SYTL5: variants seen among roughly 807,000 people sequenced by gnomAD.
SYTL5 encodes the protein synaptotagmin like 5, also known as synaptotagmin-like protein 5.
SYTL5 carries 34 observed loss-of-function variants against 55.9 expected under a neutral mutation model. The observed-to-expected ratio is 0.61, with a 90% CI of 0.46 to 0.81. SYTL5 has a LOEUF of 0.81. Among genes scored for constraint, SYTL5 ranks in the 30% least tolerant of loss-of-function variants. The pLI is 0.00. For synonymous variants in SYTL5, 221 were observed against 188.7 expected (o/e 1.17, Z -1.40); for missense variants, 637 against 546.7 (o/e 1.17, Z -1.65).
the SYTL5 span, among the ~76,000 whole-genome samples, chrX:37,938,624 T>C: frequency 9.0e-6 from 1 of 111,289 alleles, no homozygotes; most frequent in Non-Finnish European, 1.9e-5. Context: ...TCTGTCTCTC[T>C]TTCTCTCTCT....
the SYTL5 span, among the ~76,000 whole-genome samples, chrX:37,921,916 G>A: frequency 2.7e-5 from 3 of 111,871 alleles, no homozygotes; most frequent in South Asian, 7.4e-4. Context: ...GAGTTGGACG[G>A]AAAAGGAGTG....
chrX:38,067,557 T>C (rs1226722830), intron 3 of SYTL5, among the ~76,000 whole-genome samples: 1 of 111,852 alleles, frequency 8.9e-6, no homozygotes, highest in African/African-American at 3.2e-5. Context: ...TTTTAGGCTT[T>C]GAGAGCTATG....
chrX:38,022,782 T>C (rs927254208), intron 1 of SYTL5, among the ~76,000 whole-genome samples: 1 of 112,320 alleles, frequency 8.9e-6, no homozygotes, highest in Non-Finnish European at 1.9e-5. Context: ...CAGTTTATCA[T>C]AGATAGCTAA....
chrX:37,901,793 G>A, the SYTL5 span, among the ~76,000 whole-genome samples: 3 of 111,638 alleles, frequency 2.7e-5, no homozygotes, highest in African/African-American at 9.8e-5. Flanking sequence ...AGGTGAGGAT[G>A]TTGAGCAGGT....
In SYTL5 at chrX:38,048,601, A is replaced by G. The variant is rs57824918; in HGVS notation, c.120-5612A>G. Among the ~76,000 whole-genome samples the G allele has an allele frequency of 3.4e-4, 38 of 110,434 alleles. No homozygotes were observed. The East Asian group carries it at 0.01, about 29-fold the overall frequency. ...GGGGAGGCCTCACAGTCATGGCGGA[A>G]GGTGAAAGGCACATGTCACATGGTA... On this transcript the variant is annotated intron_variant, in intron 2 of 16. Transcript: ENST00000297875.
At chrX:37,966,193 A>G in the SYTL5 span, among the ~76,000 whole-genome samples, 5 of 109,491 alleles carry the variant, frequency 4.6e-5, no homozygotes, top group Non-Finnish European at 7.6e-5. Context: ...CTTCTCTTGC[A>G]GTTTTCCTTT....
chrX:38,124,023 CCCCA>C (rs1404365943), intron 15 of SYTL5, among the ~76,000 whole-genome samples: 2 of 111,296 alleles, frequency 1.8e-5, no homozygotes, highest in Non-Finnish European at 3.8e-5. Context: ...AAGGTAAGGT[CCCCA>C]GTGCAGGTAT....
At chrX:38,030,290 T>C (rs1036134498) in intron 1 of SYTL5, among the ~76,000 whole-genome samples, 1 of 111,747 alleles carries the variant, frequency 8.9e-6, no homozygotes, top group African/African-American at 3.3e-5. Flanking sequence ...CGTTGGATAA[T>C]GCAATGCAAA....
intron 3 of SYTL5, among the ~76,000 whole-genome samples, chrX:38,065,487 C>T (rs1936073564): frequency 8.9e-6 from 1 of 111,986 alleles, no homozygotes; most frequent in Non-Finnish European, 1.9e-5. Flanking sequence ...AGTATTTTCT[C>T]CCAGCACTTT....
chrX:38,014,264 T>C (rs1466639743), intron 1 of SYTL5, among the ~76,000 whole-genome samples: 1 of 112,087 alleles, frequency 8.9e-6, no homozygotes, highest in Non-Finnish European at 1.9e-5. Flanking sequence ...TATATGTATG[T>C]ATATTTAATT....
chrX:38,126,577 C>A lies in SYTL5; in HGVS notation c.2051-11C>A, dbSNP rs763902861. 2.5e-6 allele frequency: 3 copies of A among 1,209,878 alleles called. No homozygotes were observed. ...TGTGTGACATAAAATTTTCCCGTTT[C>A]GCCTCTTCAGGTGTGAGCCATGGGA... On this transcript the variant is annotated splice_polypyrimidine_tract_variant and intron_variant, in intron 16 of 16. Transcript: ENST00000297875.
At chrX:37,907,227 C>A in the SYTL5 span, among the ~76,000 whole-genome samples, 15 of 111,546 alleles carry the variant, frequency 1.3e-4, no homozygotes, top group Non-Finnish European at 5.7e-5. Flanking sequence ...GCCACCCCCA[C>A]CCCAAAATGC....
At chrX:38,035,119 C>T (rs1404353960) in intron 2 of SYTL5, among the ~76,000 whole-genome samples, 3 of 112,466 alleles carry the variant, frequency 2.7e-5, no homozygotes, top group African/African-American at 9.7e-5. Context: ...CCAGAAGCTT[C>T]ATTTCCACTT....
intron 11 of SYTL5, among the ~76,000 whole-genome samples, chrX:38,107,979 C>T (rs1937258690): frequency 8.9e-6 from 1 of 112,385 alleles, no homozygotes. Flanking sequence ...CTTCAAGAGG[C>T]TCCTGAGATA....
intron 9 of SYTL5, among the ~76,000 whole-genome samples, chrX:38,098,745 C>T (rs184691119): frequency 9.0e-5 from 10 of 110,686 alleles, no homozygotes; most frequent in East Asian, 2.8e-4. Flanking sequence ...AAGACTTACA[C>T]GCGAATGGTT....
At chrX:37,941,258 A>G in the SYTL5 span, among the ~76,000 whole-genome samples, 132 of 111,841 alleles carry the variant, frequency 1.2e-3, no homozygotes, top group Middle Eastern at 4.6e-3. Context: ...GCTCCCCACC[A>G]CATCCAGCTT....
At chrX:37,938,712 C>T in the SYTL5 span, among the ~76,000 whole-genome samples, 1 of 111,294 alleles carries the variant, frequency 9.0e-6, no homozygotes, top group South Asian at 3.8e-4. Context: ...ATTCCTATCC[C>T]ATTGTAATGC....
intron 3 of SYTL5, among the ~76,000 whole-genome samples, chrX:38,068,835 G>A (rs1008406147): frequency 1.6e-4 from 18 of 110,624 alleles, no homozygotes; most frequent in African/African-American, 3.6e-4. Flanking sequence ...CCTAGGCAAC[G>A]GGATCGTTTA....
chrX:38,054,503 T>C lies in SYTL5; in HGVS notation c.329+81T>C. The C allele has an allele frequency of 4.2e-6, 4 of 959,620 alleles. No individual in the cohort carries two copies. The Admixed American group carries it at 7.4e-5, about 18-fold the overall frequency. 79.1% of individuals were successfully genotyped at this position (959,620 alleles called of 1,213,427 possible). A position where few individuals can be genotyped will look rare whatever the true frequency, so the allele number is the denominator to read the frequency against. ...TGGGGAAGGCAAAAGAGAAAAAGAG[T>C]ATTTTAAGTTTAAGGATAGAGAGTG... On this transcript the variant is annotated intron_variant, in intron 3 of 16. Transcript: ENST00000297875.
Sources: allele counts gnomAD v4.1 joint callset (sites outside exome capture counted in the v4.1 genomes callset), GRCh38; gene constraint gnomAD v4.1.1; transcripts MANE v1.5; gene names NCBI Gene and HGNC (gene_info 2026-07-23, HGNC 2026-07-21).